The following MAP2 variants were observed in gnomAD, a reference collection of about 807,000 sequenced individuals.
MAP2 encodes microtubule-associated protein 2.
MAP2 carries 14 observed loss-of-function variants against 137.6 expected under a neutral mutation model. The ratio of observed to expected loss-of-function variants is 0.10; its 90% CI spans 0.07 to 0.16. The LOEUF (loss-of-function observed/expected upper bound fraction) is 0.16, where lower values mean the gene tolerates loss of function less well. Ranked by LOEUF, MAP2 falls within the 10% of genes least tolerant of loss-of-function variation. MAP2 has a pLI of 1.00. For missense variants in MAP2, 2,088 were observed against 2,191.5 expected (o/e 0.95, Z 0.94); for synonymous variants, 786 against 782.3 (o/e 1.00, Z -0.08).
chr2:209,641,606 T>A (rs1267768446), intron 4 of MAP2, among the ~76,000 whole-genome samples: 1 of 151,314 alleles, frequency 6.6e-6, no homozygotes, highest in African/African-American at 2.4e-5. Context: ...TTTTTCTGAT[T>A]GAAAATCTGT....
intron 3 of MAP2, among the ~76,000 whole-genome samples, chr2:209,622,741 A>T (rs1430965733): frequency 6.6e-6 from 1 of 152,204 alleles, no homozygotes; most frequent in African/African-American, 2.4e-5. Flanking sequence ...TGCCTTGTGG[A>T]ATAGGCCATA....
chr2:209,704,541 C>T lies in MAP2; in HGVS notation c.4585-1039C>T, dbSNP rs771480049. 4 of 1,612,746 alleles carry T rather than the reference C, an allele frequency of 2.5e-6. No individual in the cohort carries two copies. The African/African-American group carries it at 5.3e-5, about 22-fold the overall frequency. Reference sequence around the variant, plus strand: ...TGCCCTAGCACGACTAAAAGGGCTACATTTTCTGACAGTTTATTAATACAG... The same window carrying T: ...TGCCCTAGCACGACTAAAAGGGCTATATTTTCTGACAGTTTATTAATACAG... On this transcript the variant is annotated intron_variant, in intron 11 of 15. Transcript: ENST00000682079.
chr2:209,492,711 A>T (rs1482000675), intron 1 of MAP2, among the ~76,000 whole-genome samples: 1 of 152,200 alleles, frequency 6.6e-6, no homozygotes, highest in African/African-American at 2.4e-5. Flanking sequence ...AGAATAAAAT[A>T]CCTAGGAATA....
intron 2 of MAP2, among the ~76,000 whole-genome samples, chr2:209,562,256 T>C (rs186909293): frequency 9.8e-5 from 15 of 152,306 alleles, no homozygotes; most frequent in Admixed American, 4.6e-4. Context: ...TTTATCATAA[T>C]GCCCAAGGCA....
Position 209,566,179 on chromosome 2 carries a change from A to G in MAP2, c.-171-13857A>G, listed in dbSNP as rs1438462858. Reference sequence around the variant, plus strand: ...GAGACTGAACTGCATTGATTTGCATATCATCAATACACGTAAGTCCTGAGT... The same window carrying G: ...GAGACTGAACTGCATTGATTTGCATGTCATCAATACACGTAAGTCCTGAGT... On this transcript the variant is annotated intron_variant, in intron 2 of 15. Coordinates refer to ENST00000682079, the MANE Select transcript of MAP2 (RefSeq NM_001375505.1). 1.4e-4 allele frequency among the ~76,000 whole-genome samples: 22 copies of G among 152,204 alleles called. 1 individual carries two copies. Among genetic ancestry groups the G allele is most frequent in the Admixed American group, 1.4e-3 (22 of 15,284 alleles).
chr2:209,595,506 G>GAA (rs1579771821), intron 3 of MAP2, among the ~76,000 whole-genome samples: 1 of 152,170 alleles, frequency 6.6e-6, no homozygotes, highest in Non-Finnish European at 1.5e-5. Context: ...TTACATTGTT[G>GAA]GTGGGAGTGT....
intron 2 of MAP2, among the ~76,000 whole-genome samples, chr2:209,527,496 C>T (rs1276315451): frequency 5.3e-5 from 8 of 152,108 alleles, no homozygotes; most frequent in African/African-American, 9.7e-5. Flanking sequence ...CCGTGTACTC[C>T]GCCTCTCTTC....
At chr2:209,560,287 A>G (rs767931018) in intron 2 of MAP2, among the ~76,000 whole-genome samples, 2 of 152,252 alleles carry the variant, frequency 1.3e-5, no homozygotes, top group Non-Finnish European at 2.9e-5. Context: ...TTATGTGAAG[A>G]ATGATAAAAC....
chr2:209,499,287 CAT>C (rs1447505475), intron 1 of MAP2, among the ~76,000 whole-genome samples: 1 of 152,186 alleles, frequency 6.6e-6, no homozygotes, highest in East Asian at 1.9e-4. Context: ...ACACATAAAA[CAT>C]GTGACCTTTG....
At chr2:209,554,392 T>C (rs559019306) in intron 2 of MAP2, among the ~76,000 whole-genome samples, 3 of 152,268 alleles carry the variant, frequency 2.0e-5, no homozygotes, top group African/African-American at 7.2e-5. Context: ...CCCGAGGGTG[T>C]AGGATTCAGA....
chr2:209,627,337 C>T (rs1042645503), intron 4 of MAP2, among the ~76,000 whole-genome samples: 1 of 152,000 alleles, frequency 6.6e-6, no homozygotes, highest in African/African-American at 2.4e-5. Context: ...AAATAGTAGA[C>T]ATAGACTCTC....
At chr2:209,425,899 G>C (rs1692426665) in intron 1 of MAP2, among the ~76,000 whole-genome samples, 2 of 152,130 alleles carry the variant, frequency 1.3e-5, no homozygotes, top group Non-Finnish European at 2.9e-5. Context: ...CCTTTAACCG[G>C]GCAATAGGTG....
chr2:209,488,377 C>T (rs2058656779), intron 1 of MAP2, among the ~76,000 whole-genome samples: 1 of 152,268 alleles, frequency 6.6e-6, no homozygotes, highest in East Asian at 1.9e-4. Context: ...AGACACTGAA[C>T]TAGCTGCAGG....
Position 209,705,625 on chromosome 2 carries a change from C to T in MAP2, c.4630C>T (p.Pro1544Ser). ...SPEKRSSLPR[P>S]SSILPPRRGV... ...AGAAAAGCGCTCTTCTCTCCCAAGA[C>T]CTTCCTCCATTCTCCCTCCTCGGCG... Residue 1544 changes from proline to serine, a missense_variant, in exon 12 of 16, where the codon CCT becomes TCT. This residue lies in a region of MAP2 where 591 missense variants were observed against 642.6 expected (regional missense o/e 0.92). Transcript: ENST00000682079. The T allele has an allele frequency of 6.2e-7, 1 of 1,613,020 alleles. No individual in the cohort carries two copies. Among genetic ancestry groups the T allele is most frequent in the African/African-American group, 1.3e-5 (1 of 74,980 alleles).
At chr2:209,483,830 C>A (rs1300637653) in intron 1 of MAP2, among the ~76,000 whole-genome samples, 1 of 152,134 alleles carries the variant, frequency 6.6e-6, no homozygotes, top group African/African-American at 2.4e-5. Context: ...TTTCATCCAT[C>A]CTTTCATCAT....
chr2:209,540,308 C>T (rs984564976), intron 2 of MAP2, among the ~76,000 whole-genome samples: 4 of 151,682 alleles, frequency 2.6e-5, no homozygotes, highest in Non-Finnish European at 5.9e-5. Flanking sequence ...TAATGCATTT[C>T]TGGATATTGT....
intron 2 of MAP2, among the ~76,000 whole-genome samples, chr2:209,530,483 G>A (rs2064947792): frequency 6.6e-6 from 1 of 152,148 alleles, no homozygotes; most frequent in Non-Finnish European, 1.5e-5. Context: ...CAGATTATTA[G>A]GGTTGCAGTG....
intron 3 of MAP2, among the ~76,000 whole-genome samples, chr2:209,616,427 G>T (rs1057077059): frequency 1.3e-4 from 20 of 152,108 alleles, no homozygotes; most frequent in African/African-American, 4.8e-4. Context: ...TTAATTCCTA[G>T]TCAGAATGGT....
intron 2 of MAP2, among the ~76,000 whole-genome samples, chr2:209,540,612 C>T (rs780280572): frequency 1.0e-5 from 1 of 99,086 alleles, no homozygotes; most frequent in Non-Finnish European, 1.7e-5. Context: ...GCCTGCGTGA[C>T]TGAGTGAGAC....
Sources: gnomAD v4.1 joint callset for allele counts (sites outside exome capture counted in the v4.1 genomes callset) on GRCh38, gnomAD v4.1.1 for gene constraint, gnomAD v4.1.1 regional missense constraint, MANE v1.5 for transcripts, NCBI Gene and HGNC (gene_info 2026-07-23, HGNC 2026-07-21) for gene names.